The following CCDC136 variants were observed in gnomAD, a reference collection of about 807,000 sequenced individuals.
CCDC136 encodes the protein coiled-coil domain containing 136.
In CCDC136, 100 loss-of-function variants were observed where a neutral mutation model predicts 141.2. The ratio of observed to expected loss-of-function variants is 0.71; its 90% CI spans 0.60 to 0.84. The LOEUF is 0.84. Ranked by LOEUF, CCDC136 falls within the 40% of genes least tolerant of loss-of-function variation. The pLI is 0.00. For missense variants in CCDC136, 1,206 were observed against 1,379.4 expected, an observed-to-expected ratio of 0.87 and a Z score of 1.99; for synonymous variants, 474 against 531.9, an observed-to-expected ratio of 0.89 and a Z score of 1.50.
At chr7:128,804,619 G>A (rs751455536) in intron 4 of CCDC136, 31 bp from the exon 5 acceptor site, 15 of 1,359,620 alleles carry the variant, frequency 1.1e-5, no homozygotes, top group South Asian at 8.7e-5. Context: ...CTTTCCTCCC[G>A]GTCTCATCTC....
chr7:128,809,308 T>C, intron 10 of CCDC136, 142 bp from the exon 11 acceptor site: 1 of 621,164 alleles, frequency 1.6e-6, no homozygotes, highest in Non-Finnish European at 2.8e-6. Flanking sequence ...CAGAATGCAT[T>C]GTGGCTTGGG....
intron 10 of CCDC136, chr7:128,808,844 C>T (rs1805265993): frequency 1.0e-6 from 1 of 985,274 alleles, no homozygotes; most frequent in African/African-American, 1.7e-5. Flanking sequence ...CAGACAGCAC[C>T]TGCTTTTTCT....
In CCDC136 at chr7:128,812,930, G is replaced by T. The variant is rs757857347; in HGVS notation, c.2763+1G>T. 1 of 1,597,898 alleles carries T rather than the reference G, an allele frequency of 6.3e-7. No homozygotes were observed. Among genetic ancestry groups the T allele is most frequent in the Admixed American group, 1.7e-5 (1 of 57,772 alleles). On this transcript the variant is annotated splice_donor_variant, in intron 14 of 17. Coordinates refer to ENST00000297788, the MANE Select transcript of CCDC136 (RefSeq NM_022742.5). LOFTEE classifies it high-confidence loss of function. The stretch of plus-strand genomic sequence containing the variant: ...GGCCCCCCAGAACGACAAGAATGAG[G>T]TAACCACTGTCAGGGAGGCAGGGTT...
At position 128,801,437 on chromosome 7, in the gene CCDC136, C is replaced by A. The variant is rs754686291; in HGVS notation, c.598C>A (p.Arg200Ser). 2.5e-5 allele frequency: 40 copies of A among 1,613,242 alleles called. No individual in the cohort carries two copies. Among genetic ancestry groups the A allele is most frequent in the Admixed American group, 6.7e-5 (4 of 59,954 alleles). The change falls in exon 4 of 18, where the codon CGT (arginine) becomes AGT (serine). Residue 200 changes from arginine to serine, a missense_variant. Transcript: ENST00000297788. ...TTATGAGATGGAGATCGCCTCCCTC[C>A]GTGCAGAAATGGAAATGAAGAGCTC... ...GDYEMEIASL[R>S]AEMEMKSSEP...
rs915573590 is a variant in CCDC136 at position 128,817,569 on chromosome 7, G to A, written c.3364-189G>A. 2.0e-5 allele frequency among the ~76,000 whole-genome samples: 3 copies of A among 152,178 alleles called. No individual in the cohort carries two copies. The highest frequency in any genetic ancestry group is 7.2e-5 in the African/African-American group (3 of 41,432). Reference sequence around the variant, plus strand: ...ATTTTGCAATTCCTGCAGACTGCCGGTGGAAAGAACCAAGGCCCAGGCAGC... The same window carrying A: ...ATTTTGCAATTCCTGCAGACTGCCGATGGAAAGAACCAAGGCCCAGGCAGC... On this transcript the variant is annotated intron_variant, in intron 16 of 17. Coordinates refer to ENST00000297788, the MANE Select transcript of CCDC136 (RefSeq NM_022742.5). This position sits in a 1 kb window ranked among gnomAD's most constrained non-coding sequence, Gnocchi z 4.6.
upstream of CCDC136, among the ~76,000 whole-genome samples, chr7:128,791,221 C>T (rs1363948092): frequency 6.6e-6 from 1 of 152,162 alleles, no homozygotes; most frequent in Non-Finnish European, 1.5e-5. This position sits in a 1 kb window ranked among gnomAD's most constrained non-coding sequence, Gnocchi z 7.1. Flanking sequence ...GCTGTCCGGG[C>T]CCCGCGGCTC....
intron 3 of CCDC136, among the ~76,000 whole-genome samples, chr7:128,797,813 CA>C (rs1459733540): frequency 5.3e-5 from 8 of 150,454 alleles, no homozygotes; most frequent in Admixed American, 4.6e-4. Context: ...AGATCCAGTA[CA>C]AAAAAAGGCC....
At position 128,801,422 on chromosome 7, in the gene CCDC136, G is replaced by A. The variant is rs1219715526; in HGVS notation, c.583G>A (p.Glu195Lys). 6.2e-7 allele frequency: 1 copy of A among 1,613,366 alleles called. No homozygotes were observed. The highest frequency in any genetic ancestry group is 1.3e-5 in the African/African-American group (1 of 74,896). Residue 195 changes from glutamate to lysine, a missense_variant, in exon 4 of 18, where the codon GAG (glutamate) becomes AAG (lysine). By Grantham distance (56) the Glu-to-Lys change is moderately conservative. Transcript: ENST00000297788. ...ACGCATTCGGGGAGATTATGAGATG[G>A]AGATCGCCTCCCTCCGTGCAGAAAT... ...MERIRGDYEM[E>K]IASLRAEMEM... is the part of the protein sequence containing the mutation.
At chr7:128,801,073 G>C in intron 3 of CCDC136, 113 bp from the exon 4 acceptor site, 1 of 715,602 alleles carries the variant, frequency 1.4e-6, no homozygotes, top group Non-Finnish European at 2.3e-6. Flanking sequence ...GTAGAGACAA[G>C]GTTTTCAGGA....
rs889093674 is a variant in CCDC136, at chr7:128,794,140, G to A, written c.17-208G>A. On this transcript the variant is annotated intron_variant, in intron 1 of 17. Transcript: ENST00000297788. This position sits in a 1 kb window ranked among gnomAD's most constrained non-coding sequence, Gnocchi z 4.3. The stretch of plus-strand genomic sequence containing the variant: ...CAAGTGCAACATTGGTCCAGGAAGG[G>A]CCTGGGAGGTGGAGGGGCTGCTTCT... 9.5e-5 allele frequency: 64 copies of A among 673,692 alleles called. 1 individual carries two copies. The South Asian group carries it at 1.0e-3, about 11-fold the overall frequency. The allele number at this position is 673,692 out of a possible 1,614,324, so 41.7% of individuals were successfully genotyped here. A position where few individuals can be genotyped will look rare whatever the true frequency, so the allele number is the denominator to read the frequency against.
rs1260166984 is a variant in CCDC136, at chr7:128,801,261, A to G, written c.422A>G (p.Gln141Arg). 1 of 1,613,976 alleles carries G rather than the reference A, an allele frequency of 6.2e-7. No homozygotes were observed. The change falls in exon 4 of 18, where the codon CAG becomes CGG. Residue 141 changes from glutamine (Q) to arginine (R), a missense_variant. Coordinates refer to ENST00000297788, the MANE Select transcript of CCDC136 (RefSeq NM_022742.5). ...GAAAGCGAACTTAAGGAAATAGAAC[A>G]GGAATTGCATTTGGCCCAGGCTGAG... ...EKESELKEIE[Q>R]ELHLAQAEIQ...
Position 128,792,385 on chromosome 7 carries a change from C to A in CCDC136, c.-27C>A, listed in dbSNP as rs1802312463. On this transcript the variant is annotated 5_prime_UTR_variant, in exon 1 of 18. Coordinates refer to ENST00000297788, the MANE Select transcript of CCDC136 (RefSeq NM_022742.5). ...GGGCTGTGAGAGGAAGAAGGGCCAA[C>A]GCTGGGGGTCCCTGGAACGACGGGG... 1 of 1,604,702 alleles carries A rather than the reference C, an allele frequency of 6.2e-7. No individual in the cohort carries two copies. Among genetic ancestry groups the A allele is most frequent in the Admixed American group, 1.7e-5 (1 of 59,532 alleles).
intron 12 of CCDC136, among the ~76,000 whole-genome samples, chr7:128,810,627 G>C (rs1805571492): frequency 6.6e-6 from 1 of 152,206 alleles, no homozygotes; most frequent in African/African-American, 2.4e-5. Context: ...AGCACTATGA[G>C]CACTCAGGGC....
Position 128,792,280 on chromosome 7 carries a change from G to GGCCCCCCC in CCDC136, c.-132_-131insGCCCCCCC. 1 of 1,334,788 alleles carries GGCCCCCCC rather than the reference G, an allele frequency of 7.5e-7. No individual in the cohort carries two copies. Among genetic ancestry groups the GGCCCCCCC allele is most frequent in the Non-Finnish European group, 1.0e-6 (1 of 998,240 alleles). The allele number at this position is 1,334,788 out of a possible 1,614,324, so 82.7% of individuals were successfully genotyped here. A position where few individuals can be genotyped will look rare whatever the true frequency, so the allele number is the denominator to read the frequency against. On this transcript the variant is annotated 5_prime_UTR_variant, in exon 1 of 18. The change abolishes the stop of an existing upstream ORF in the 5' untranslated region. Transcript: ENST00000297788. ...TCCTCTGCACCCCAGCCCGCAGCCA[G>GGCCCCCCC]CCCCCCACCCCCCAGCCCCTCCTTT...
intron 3 of CCDC136, among the ~76,000 whole-genome samples, chr7:128,795,311 C>T (rs902044578): frequency 5.3e-5 from 8 of 152,074 alleles, no homozygotes; most frequent in African/African-American, 1.9e-4. Flanking sequence ...ACACCCACGT[C>T]CCTTTGTCTC....
intron 10 of CCDC136, chr7:128,807,788 A>G (rs1454338677): frequency 1.3e-5 from 4 of 305,336 alleles, no homozygotes; most frequent in Non-Finnish European, 2.4e-5. Flanking sequence ...AGTTTTACAC[A>G]TGATTCCATG....
At chr7:128,809,424 C>A in intron 10 of CCDC136, 26 bp from the exon 11 acceptor site, 3 of 1,444,056 alleles carry the variant, frequency 2.1e-6, no homozygotes, top group Non-Finnish European at 2.8e-6. Context: ...AGTAACCACC[C>A]CCTCCACACC....
At chr7:128,791,463 A>G, upstream of CCDC136, 1 of 1,316,154 alleles carries the variant, frequency 7.6e-7, no homozygotes, top group Non-Finnish European at 9.6e-7. This position sits in a 1 kb window ranked among gnomAD's most constrained non-coding sequence, Gnocchi z 7.1. Context: ...GCTTCTGCTC[A>G]GGGAGGCGGA....
At chr7:128,796,739 A>ATATATATATATATATTTT in intron 3 of CCDC136, among the ~76,000 whole-genome samples, 9 of 113,378 alleles carry the variant, frequency 7.9e-5, no homozygotes, top group Middle Eastern at 3.9e-3. Flanking sequence ...ATATATATAT[A>ATATATATATATATATTTT]TTCTTTTTTT....
Sources: allele counts gnomAD v4.1 joint callset (sites outside exome capture counted in the v4.1 genomes callset), GRCh38; gene constraint gnomAD v4.1.1; non-coding constraint Gnocchi (gnomAD v3.1); transcripts MANE v1.5; gene names NCBI Gene and HGNC (gene_info 2026-07-23, HGNC 2026-07-21).